ADCY8: variants seen among roughly 807,000 people sequenced by gnomAD.
ADCY8 encodes adenylate cyclase 8, also known as adenylate cyclase type 8.
In ADCY8, 51 loss-of-function variants were observed where a neutral mutation model predicts 119.7. The observed-to-expected ratio is 0.43, with a 90% CI of 0.34 to 0.54. ADCY8 has a LOEUF of 0.54. ADCY8 is among the 20% of genes least tolerant of loss of function. ADCY8 has a pLI of 0.03. For synonymous variants in ADCY8, 665 were observed against 651.0 expected (o/e 1.02, Z -0.33); for missense variants, 1,383 against 1,598.8 (o/e 0.87, Z 2.30).
At chr8:130,899,401 T>A (rs1819518810) in intron 7 of ADCY8, among the ~76,000 whole-genome samples, 1 of 151,886 alleles carries the variant, frequency 6.6e-6, no homozygotes, top group Admixed American at 6.6e-5. Flanking sequence ...AGGTCAGGAG[T>A]TCGTGACCAG....
At chr8:130,791,862 A>G (rs1429691188) in intron 15 of ADCY8, among the ~76,000 whole-genome samples, 2 of 151,494 alleles carry the variant, frequency 1.3e-5, no homozygotes, top group African/African-American at 4.9e-5. Flanking sequence ...CATCCATCTC[A>G]CCCTCTCTGC....
At position 130,977,590 on chromosome 8, in the gene ADCY8, TGCC is replaced by T. The variant is rs1822110813; in HGVS notation, c.1110+12800_1110+12802del. Among the ~76,000 whole-genome samples, 11 of 152,366 alleles carry T rather than the reference TGCC, an allele frequency of 7.2e-5. No homozygotes were observed. In the South Asian group the frequency reaches 8.3e-4, roughly 11 times the overall value. ...AAGCAATAAATATGGACTACACCAC[TGCC>T]AGTGAGAGCTCTTATTGGGCACCTA... On this transcript the variant is annotated intron_variant, in intron 2 of 17. Transcript: ENST00000286355.
At chr8:130,869,504 G>GT (rs765620055) in intron 8 of ADCY8, among the ~76,000 whole-genome samples, 1,991 of 124,942 alleles carry the variant, frequency 0.016, 56 homozygotes, top group African/African-American at 0.058. Context: ...TTTTTATTTT[G>GT]TTTATTTTTT....
intron 2 of ADCY8, among the ~76,000 whole-genome samples, chr8:130,968,950 T>G: frequency 6.6e-6 from 1 of 152,184 alleles, no homozygotes; most frequent in Admixed American, 6.5e-5. Context: ...TCAAAGTCTT[T>G]TTAGAGAGTG....
intron 2 of ADCY8, among the ~76,000 whole-genome samples, chr8:130,974,100 A>G (rs1822001556): frequency 1.3e-5 from 2 of 152,228 alleles, no homozygotes; most frequent in South Asian, 2.1e-4. Flanking sequence ...AGAGTAGACT[A>G]GCAACCTATC....
At chr8:130,965,111 G>A (rs984731117) in intron 2 of ADCY8, among the ~76,000 whole-genome samples, 13 of 152,104 alleles carry the variant, frequency 8.5e-5, no homozygotes, top group African/African-American at 3.1e-4. Flanking sequence ...ATTTCATTCT[G>A]TAGAAATGGA....
intron 17 of ADCY8, among the ~76,000 whole-genome samples, chr8:130,783,148 G>A (rs577652866): frequency 1.2e-4 from 18 of 152,278 alleles, no homozygotes; most frequent in Non-Finnish European, 2.4e-4. Flanking sequence ...ATTATTGATT[G>A]CAGTGATTAA....
chr8:130,943,480 G>T lies in ADCY8; in HGVS notation c.1242-18C>A. On this transcript the variant is annotated intron_variant, in intron 3 of 17. Transcript: ENST00000286355. ...AAAGAATACTAAACACAGGGAAGAGGGTGGGGGTGGGGGGAGGAAGTATAT... is the reference window on the plus strand; with the variant it reads ...AAAGAATACTAAACACAGGGAAGAGTGTGGGGGTGGGGGGAGGAAGTATAT... The T allele has an allele frequency of 8.6e-7, 1 of 1,158,132 alleles. No individual in the cohort carries two copies. Among genetic ancestry groups the T allele is most frequent in the Non-Finnish European group, 1.3e-6 (1 of 779,918 alleles). 71.7% of individuals were successfully genotyped at this position (1,158,132 alleles called of 1,614,324 possible). A position where few individuals can be genotyped will look rare whatever the true frequency, so the allele number is the denominator to read the frequency against.
chr8:130,927,413 G>A (rs1174075079), intron 5 of ADCY8, among the ~76,000 whole-genome samples: 3 of 152,064 alleles, frequency 2.0e-5, no homozygotes, highest in Non-Finnish European at 4.4e-5. Context: ...GTATATTCAG[G>A]TCCTTTGCCC....
At position 130,951,899 on chromosome 8, in the gene ADCY8, G is replaced by T; in HGVS notation, c.1210C>A (p.Arg404=). The T allele has an allele frequency of 6.2e-7, 1 of 1,614,018 alleles. No homozygotes were observed. Among genetic ancestry groups the T allele is most frequent in the South Asian group, 1.1e-5 (1 of 91,060 alleles). Residue 404 remains arginine (R), a synonymous_variant, in exon 3 of 18, where the codon CGG becomes AGG. Coordinates refer to ENST00000286355, the MANE Select transcript of ADCY8 (RefSeq NM_001115.3). ...EDEHLQHQFH[R]IYIHRYENVS... ...TTCTCATAGCGATGGATGTAGATCC[G>T]ATGGAACTGGTGCTGCAGGTGCTCA...
At position 130,932,934 on chromosome 8, in the gene ADCY8, C is replaced by T. The variant is rs569393734; in HGVS notation, c.1481+4139G>A. ...TTTGAGTGTTGGTTTGCCATTTGCA[C>T]AAAAATTATAGATCTCACCTAAACA... is the stretch of plus-strand genomic sequence containing the variant. On this transcript the variant is annotated intron_variant, in intron 5 of 17. Coordinates refer to ENST00000286355, the MANE Select transcript of ADCY8 (RefSeq NM_001115.3). Among the ~76,000 whole-genome samples the T allele has an allele frequency of 1.6e-4, 24 of 152,084 alleles. 1 individual carries two copies. Among genetic ancestry groups the T allele is most frequent in the Admixed American group, 6.5e-5 (1 of 15,274 alleles).
intron 1 of ADCY8, among the ~76,000 whole-genome samples, chr8:131,035,128 A>G (rs1170840616): frequency 6.6e-6 from 1 of 152,132 alleles, no homozygotes; most frequent in Non-Finnish European, 1.5e-5. Context: ...TTGGTTTATG[A>G]TGTGGAAAAA....
intron 1 of ADCY8, among the ~76,000 whole-genome samples, chr8:131,009,967 T>A (rs1020735251): frequency 6.6e-6 from 1 of 152,200 alleles, no homozygotes; most frequent in African/African-American, 2.4e-5. Flanking sequence ...GAGATTACCA[T>A]ACCTAAATGC....
At chr8:130,901,359 T>G (rs1185598489) in intron 7 of ADCY8, among the ~76,000 whole-genome samples, 1 of 150,214 alleles carries the variant, frequency 6.7e-6, no homozygotes, top group Non-Finnish European at 1.5e-5. Context: ...GCTATCTACA[T>G]AGCACAGAAT....
chr8:130,979,958 A>C (rs1182704438), intron 2 of ADCY8, among the ~76,000 whole-genome samples: 1 of 152,202 alleles, frequency 6.6e-6, no homozygotes, highest in Non-Finnish European at 1.5e-5. Flanking sequence ...GTTTAAAACA[A>C]TAGAAATGTA....
At chr8:130,994,636 G>A (rs34359920) in intron 1 of ADCY8, among the ~76,000 whole-genome samples, 3,699 of 152,294 alleles carry the variant, frequency 0.024, 48 homozygotes, top group East Asian at 0.056. Flanking sequence ...GTGGAGTCAA[G>A]TGGGCATGAA....
intron 9 of ADCY8, among the ~76,000 whole-genome samples, chr8:130,863,614 A>G (rs1249681436): frequency 6.6e-6 from 1 of 152,094 alleles, no homozygotes; most frequent in Non-Finnish European, 1.5e-5. Context: ...TTCCTAGCAT[A>G]TCAATTATAT....
rs190663476 is a variant in ADCY8, at chr8:130,975,381, G to T, written c.1110+15012C>A. 3.3e-5 allele frequency among the ~76,000 whole-genome samples: 5 copies of T among 152,282 alleles called. No individual in the cohort carries two copies. The East Asian group carries it at 7.7e-4, about 24-fold the overall frequency. On this transcript the variant is annotated intron_variant, in intron 2 of 17. Transcript: ENST00000286355. ...CAGTAGTCATGCTGACATGTGACAG[G>T]CTCTGAATGTGCTGCTGGGAGTTAA... is the stretch of plus-strand genomic sequence containing the variant.
intron 15 of ADCY8, among the ~76,000 whole-genome samples, chr8:130,792,391 C>A (rs1815451137): frequency 6.6e-6 from 1 of 152,184 alleles, no homozygotes; most frequent in South Asian, 2.1e-4. Context: ...TAAATACAAT[C>A]TCTTTGCTGA....
Sources: allele counts gnomAD v4.1 joint callset (sites outside exome capture counted in the v4.1 genomes callset), GRCh38; gene constraint gnomAD v4.1.1; transcripts MANE v1.5; gene names NCBI Gene and HGNC (gene_info 2026-07-23, HGNC 2026-07-21).